The following APBA2 variants were observed in gnomAD, a reference collection of about 807,000 sequenced individuals.
The protein encoded by APBA2 is amyloid-beta A4 precursor protein-binding family A member 2.
Under a neutral mutation model 75.0 loss-of-function variants are expected in APBA2, and 30 were observed. The ratio of observed to expected loss-of-function variants is 0.40; its 90% CI spans 0.30 to 0.54. The LOEUF (loss-of-function observed/expected upper bound fraction) is 0.54, where lower values mean the gene tolerates loss of function less well. Ranked by LOEUF, APBA2 falls within the 20% of genes least tolerant of loss-of-function variation. The pLI, the probability that APBA2 is intolerant of heterozygous loss-of-function variation, is 0.49. For synonymous variants in APBA2, 444 were observed against 409.6 expected (o/e 1.08, Z -1.01); for missense variants, 801 against 1,016.1 (o/e 0.79, Z 2.88).
At chr15:29,079,909 C>G (rs2043014086) in intron 6 of APBA2, among the ~76,000 whole-genome samples, 1 of 152,218 alleles carries the variant, frequency 6.6e-6, no homozygotes. Flanking sequence ...TGCAGCATCT[C>G]TCTATTTCAT....
chr15:29,072,504 A>G (rs948733822), intron 4 of APBA2, among the ~76,000 whole-genome samples: 4 of 152,148 alleles, frequency 2.6e-5, no homozygotes, highest in Non-Finnish European at 5.9e-5. Context: ...CAGGAAGATC[A>G]GTGCCAGGGA....
chr15:29,077,915 A>G (rs1464545490), intron 6 of APBA2, among the ~76,000 whole-genome samples: 2 of 152,244 alleles, frequency 1.3e-5, no homozygotes, highest in African/African-American at 2.4e-5. Flanking sequence ...GTTTCTCCAA[A>G]TTAAACACCG....
intron 2 of APBA2, among the ~76,000 whole-genome samples, chr15:28,995,347 C>T (rs942722719): frequency 2.0e-5 from 3 of 152,160 alleles, no homozygotes; most frequent in Non-Finnish European, 4.4e-5. Flanking sequence ...TCCCCGCCCA[C>T]CCCCATATGC....
rs146060650 is a variant in APBA2 at position 29,117,943 on chromosome 15, C to T, written c.*810C>T. On this transcript the variant is annotated 3_prime_UTR_variant, in exon 15 of 15. Coordinates refer to ENST00000683413, the MANE Select transcript of APBA2 (RefSeq NM_001353788.2). The stretch of plus-strand genomic sequence containing the variant: ...TAAAATCGATCTACACACATCCACG[C>T]ACATGCGACCCCGAGGAAACGAAAC... The T allele has an allele frequency of 1.3e-4, 20 of 152,222 alleles. No homozygotes were observed. The highest frequency in any genetic ancestry group is 3.6e-4 in the African/African-American group (15 of 41,388). The allele number at this position is 152,222 out of a possible 1,614,324, so 9.4% of individuals were successfully genotyped here. A position where few individuals can be genotyped will look rare whatever the true frequency, so the allele number is the denominator to read the frequency against.
intron 1 of APBA2, among the ~76,000 whole-genome samples, chr15:28,887,620 C>G (rs1595380726): frequency 6.6e-6 from 1 of 152,156 alleles, no homozygotes; most frequent in Admixed American, 6.5e-5. Context: ...GGGGCTGCTT[C>G]CCCCTGCAGC....
intron 9 of APBA2, 48 bp downstream of exon 9, chr15:29,098,624 G>A (rs1431247302): frequency 6.1e-6 from 9 of 1,464,946 alleles, no homozygotes; most frequent in South Asian, 3.4e-5. Flanking sequence ...TCCTAAGTTC[G>A]ACTCCTTCTT....
intron 3 of APBA2, among the ~76,000 whole-genome samples, chr15:29,041,993 G>C (rs2041070747): frequency 6.6e-6 from 1 of 152,186 alleles, no homozygotes; most frequent in Non-Finnish European, 1.5e-5. Context: ...GAAGCTTACT[G>C]TCTCAGTTCT....
intron 3 of APBA2, among the ~76,000 whole-genome samples, chr15:29,021,855 T>C (rs962812020): frequency 3.3e-5 from 5 of 152,048 alleles, no homozygotes; most frequent in African/African-American, 1.2e-4. Flanking sequence ...CTTCTATGAG[T>C]TGACTTTTTA....
chr15:28,912,990 A>G (rs549448045), intron 1 of APBA2, among the ~76,000 whole-genome samples: 3 of 152,338 alleles, frequency 2.0e-5, no homozygotes, highest in African/African-American at 7.2e-5. Flanking sequence ...TTGTTGCTCC[A>G]AGGAGCTTGC....
At chr15:29,094,089 A>G (rs2043722632) in intron 7 of APBA2, among the ~76,000 whole-genome samples, 189 bp from the exon 8 acceptor site, 1 of 152,108 alleles carries the variant, frequency 6.6e-6, no homozygotes, top group African/African-American at 2.4e-5. Flanking sequence ...CGCTCCAGGG[A>G]CACCTGTGTG....
chr15:28,960,148 C>CAA (rs59345963), intron 2 of APBA2, among the ~76,000 whole-genome samples: 7,934 of 92,942 alleles, frequency 0.085, 316 homozygotes, highest in East Asian at 0.27. Flanking sequence ...GACCTTGTTT[C>CAA]AAAAAAAAAA....
At chr15:28,936,844 G>C (rs1030201818) in intron 2 of APBA2, among the ~76,000 whole-genome samples, 1 of 152,196 alleles carries the variant, frequency 6.6e-6, no homozygotes, top group Admixed American at 6.5e-5. Context: ...GCCCTGCTGG[G>C]ACAGACAGGA....
At chr15:29,076,210 G>A in intron 6 of APBA2, 119 bp downstream of exon 6, 1 of 1,102,676 alleles carries the variant, frequency 9.1e-7, no homozygotes, top group Non-Finnish European at 1.4e-6. Context: ...CTACCTACCA[G>A]CAAGGTGCTT....
intron 4 of APBA2, among the ~76,000 whole-genome samples, chr15:29,067,631 A>G (rs2042434331): frequency 6.6e-6 from 1 of 152,188 alleles, no homozygotes; most frequent in African/African-American, 2.4e-5. Flanking sequence ...TAAAATAAAC[A>G]TATATCGTTA....
chr15:29,058,834 G>C (rs890830578), intron 4 of APBA2, among the ~76,000 whole-genome samples: 1 of 152,186 alleles, frequency 6.6e-6, no homozygotes, highest in South Asian at 2.1e-4. Context: ...GAAAATACAG[G>C]CAAAAAAATC....
At chr15:28,926,229 A>G (rs2034251660) in intron 2 of APBA2, among the ~76,000 whole-genome samples, 1 of 152,314 alleles carries the variant, frequency 6.6e-6, no homozygotes, top group South Asian at 2.1e-4. Flanking sequence ...TGTCTTCTGT[A>G]CTTGCCAGAG....
At chr15:29,006,113 G>A (rs2039100733) in intron 3 of APBA2, among the ~76,000 whole-genome samples, 1 of 152,086 alleles carries the variant, frequency 6.6e-6, no homozygotes, top group Non-Finnish European at 1.5e-5. Flanking sequence ...GAAATCAGAG[G>A]CATCCAAATT....
intron 6 of APBA2, among the ~76,000 whole-genome samples, chr15:29,078,713 C>T (rs1318785629): frequency 6.6e-6 from 1 of 151,978 alleles, no homozygotes; most frequent in Non-Finnish European, 1.5e-5. Context: ...TGTTGTGTCT[C>T]TTGGCCTCCT....
intron 2 of APBA2, among the ~76,000 whole-genome samples, chr15:28,967,395 A>C (rs956274920): frequency 5.3e-5 from 8 of 152,148 alleles, no homozygotes; most frequent in Admixed American, 1.3e-4. Flanking sequence ...AGTCTTTTCA[A>C]GTGTTTTATA....
Sources: allele counts gnomAD v4.1 joint callset (sites outside exome capture counted in the v4.1 genomes callset), GRCh38; gene constraint gnomAD v4.1.1; transcripts MANE v1.5; gene names NCBI Gene and HGNC (gene_info 2026-07-23, HGNC 2026-07-21).